The following FBXO28 variants were observed in gnomAD, a reference collection of about 807,000 sequenced individuals.
FBXO28 encodes F-box protein 28.
A neutral mutation model predicts 38.1 loss-of-function variants in FBXO28; 8 were observed. That is an observed-to-expected ratio of 0.21 (90% CI 0.12 to 0.38). FBXO28 has a LOEUF of 0.38. Among genes scored for constraint, FBXO28 ranks in the 10% least tolerant of loss-of-function variants. The pLI is 1.00. For synonymous variants in FBXO28, 168 were observed against 173.8 expected (o/e 0.97, Z 0.26); for missense variants, 345 against 460.6 (o/e 0.75, Z 2.30).
intron 3 of FBXO28, 133 bp downstream of exon 3, chr1:224,134,345 T>C: frequency 7.8e-6 from 6 of 767,348 alleles, no homozygotes; most frequent in Non-Finnish European, 1.2e-5. Flanking sequence ...ATTTGTTTGC[T>C]TTCTGTACAG....
chr1:224,139,302 C>CT (rs745836542), intron 3 of FBXO28, among the ~76,000 whole-genome samples: 5 of 151,128 alleles, frequency 3.3e-5, no homozygotes, highest in South Asian at 2.1e-4. Context: ...TTTTTTTATT[C>CT]TTTTTTTTGT....
chr1:224,139,180 T>TG (rs1177822094), intron 3 of FBXO28, among the ~76,000 whole-genome samples: 2 of 151,802 alleles, frequency 1.3e-5, no homozygotes, highest in Non-Finnish European at 2.9e-5. Flanking sequence ...ACAGTATAAT[T>TG]GACTACATAA....
intron 1 of FBXO28, among the ~76,000 whole-genome samples, chr1:224,119,486 A>C (rs979001468): frequency 6.6e-6 from 1 of 151,750 alleles, no homozygotes; most frequent in African/African-American, 2.4e-5. Context: ...CAGGCTATTG[A>C]TTTTATTAAT....
At chr1:224,116,316 C>A (rs770569059) in intron 1 of FBXO28, among the ~76,000 whole-genome samples, 3 of 151,838 alleles carry the variant, frequency 2.0e-5, no homozygotes, top group Non-Finnish European at 4.4e-5. Context: ...TCTTTTTTGC[C>A]ACTAGGTGTC....
intron 4 of FBXO28, among the ~76,000 whole-genome samples, chr1:224,157,129 TCTAC>T (rs1183532701): frequency 6.6e-6 from 1 of 152,220 alleles, no homozygotes; most frequent in Non-Finnish European, 1.5e-5. Flanking sequence ...TTCCTGGCAG[TCTAC>T]ATACTGCCAC....
At chr1:224,126,570 C>G (rs1227714421) in intron 1 of FBXO28, among the ~76,000 whole-genome samples, 3 of 152,182 alleles carry the variant, frequency 2.0e-5, no homozygotes, top group Non-Finnish European at 2.9e-5. Context: ...GAACCTAGCA[C>G]TTTGGGAGAC....
At chr1:224,146,723 T>TG (rs1553291566) in intron 3 of FBXO28, among the ~76,000 whole-genome samples, 1,635 of 144,604 alleles carry the variant, frequency 0.011, 30 homozygotes, top group African/African-American at 0.037. Context: ...TTTTTTTTTT[T>TG]GGGAGACTGA....
At chr1:224,154,799 G>A (rs1414674377) in intron 4 of FBXO28, among the ~76,000 whole-genome samples, 3 of 142,836 alleles carry the variant, frequency 2.1e-5, no homozygotes, top group African/African-American at 7.8e-5. Context: ...GTGACAGTGC[G>A]AGACTCCGTC....
intron 3 of FBXO28, among the ~76,000 whole-genome samples, chr1:224,146,276 C>G (rs1206128914): frequency 6.6e-6 from 1 of 151,008 alleles, no homozygotes; most frequent in Non-Finnish European, 1.5e-5. Flanking sequence ...ATTTTAGATG[C>G]ACTTAGGTTT....
intron 3 of FBXO28, among the ~76,000 whole-genome samples, chr1:224,134,817 A>G (rs1657136595): frequency 6.6e-6 from 1 of 152,222 alleles, no homozygotes; most frequent in South Asian, 2.1e-4. Flanking sequence ...TTAAGTGTAA[A>G]TTGACATATG....
At chr1:224,119,980 T>G (rs1204828679) in intron 1 of FBXO28, among the ~76,000 whole-genome samples, 3 of 152,162 alleles carry the variant, frequency 2.0e-5, no homozygotes, top group African/African-American at 7.2e-5. Context: ...CATCTTTTGG[T>G]GGGTGGAGCA....
chr1:224,128,245 A>ATT (rs34465508), intron 1 of FBXO28, among the ~76,000 whole-genome samples: 6 of 148,014 alleles, frequency 4.1e-5, no homozygotes, highest in South Asian at 2.1e-4. Context: ...TATTATTATT[A>ATT]TTTTTTTTTA....
chr1:224,114,701 T>A (rs533203387), intron 1 of FBXO28, among the ~76,000 whole-genome samples: 1 of 150,830 alleles, frequency 6.6e-6, no homozygotes, highest in African/African-American at 2.4e-5. Context: ...CTTCCCACCT[T>A]CCGCCTGGCC....
At chr1:224,128,708 T>C (rs1475648945) in intron 1 of FBXO28, among the ~76,000 whole-genome samples, 2 of 152,186 alleles carry the variant, frequency 1.3e-5, no homozygotes, top group Admixed American at 1.3e-4. Context: ...CATATCTGGC[T>C]GGGCATGGTG....
chr1:224,142,357 A>AC (rs1404440344), intron 3 of FBXO28, among the ~76,000 whole-genome samples: 2 of 147,644 alleles, frequency 1.4e-5, no homozygotes, highest in African/African-American at 5.0e-5. Flanking sequence ...GCCTCAAAAA[A>AC]AAAAAATGGG....
intron 1 of FBXO28, among the ~76,000 whole-genome samples, chr1:224,117,387 C>T (rs1216966911): frequency 1.3e-5 from 2 of 151,668 alleles, no homozygotes; most frequent in East Asian, 2.0e-4. Flanking sequence ...AGGCTGGTCT[C>T]GAACTCCTGA....
At position 224,153,036 on chromosome 1, in the gene FBXO28, G is replaced by A. The variant is rs150200189; in HGVS notation, c.517-106G>A. On this transcript the variant is annotated intron_variant, in intron 3 of 4. Coordinates refer to ENST00000366862, the MANE Select transcript of FBXO28 (RefSeq NM_015176.4). ...GTACATCACTTAAATCACCCTACAGGTCTTTACTGGAATTGCAAAACAAGC... is the reference window on the plus strand; with the variant it reads ...GTACATCACTTAAATCACCCTACAGATCTTTACTGGAATTGCAAAACAAGC... The A allele has an allele frequency of 1.3e-3, 966 of 766,530 alleles. 14 individuals carry two copies. Among genetic ancestry groups the A allele is most frequent in the East Asian group, 8.8e-3 (316 of 35,988 alleles). 47.5% of individuals were successfully genotyped at this position (766,530 alleles called of 1,614,324 possible).
At chr1:224,122,603 T>A (rs1300395544) in intron 1 of FBXO28, among the ~76,000 whole-genome samples, 1 of 151,998 alleles carries the variant, frequency 6.6e-6, no homozygotes, top group African/African-American at 2.4e-5. Context: ...TTTTTTTTTT[T>A]ACAGCCCCCC....
intron 4 of FBXO28, among the ~76,000 whole-genome samples, chr1:224,156,935 G>C (rs948051255): frequency 6.6e-6 from 1 of 151,406 alleles, no homozygotes; most frequent in Admixed American, 6.6e-5. Context: ...CCAGGAGGCG[G>C]AGCTTGCAGT....
Sources: gnomAD v4.1 joint callset for allele counts (sites outside exome capture counted in the v4.1 genomes callset) on GRCh38, gnomAD v4.1.1 for gene constraint, MANE v1.5 for transcripts, NCBI Gene and HGNC (gene_info 2026-07-23, HGNC 2026-07-21) for gene names.